PRKCE: variants seen among roughly 807,000 people sequenced by gnomAD.
PRKCE encodes protein kinase C epsilon type.
In PRKCE, 16 loss-of-function variants were observed where a neutral mutation model predicts 85.4. That is an observed-to-expected ratio of 0.19 (90% confidence interval 0.13 to 0.28). The LOEUF (loss-of-function observed/expected upper bound fraction) is 0.28. Among genes scored for constraint, PRKCE ranks in the 10% least tolerant of loss-of-function variants. The pLI, the probability that PRKCE is intolerant of heterozygous loss-of-function variation, is 1.00. For synonymous variants in PRKCE, 388 were observed against 371.5 expected (o/e 1.04, Z -0.51); for missense variants, 573 against 975.2 (o/e 0.59, Z 5.49).
At chr2:45,964,986 C>T (rs370175122) in intron 2 of PRKCE, among the ~76,000 whole-genome samples, 12 of 152,136 alleles carry the variant, frequency 7.9e-5, no homozygotes, top group South Asian at 6.2e-4. Context: ...GGAGAAACAA[C>T]GGTTCATGTT....
chr2:46,010,990 T>C, intron 10 of PRKCE: 2 of 1,350,406 alleles, frequency 1.5e-6, no homozygotes, highest in South Asian at 3.8e-5. Flanking sequence ...GAAACACAAA[T>C]ATAAGGCAGC....
intron 1 of PRKCE, among the ~76,000 whole-genome samples, chr2:45,736,751 C>T (rs1682097153): frequency 6.6e-6 from 1 of 152,188 alleles, no homozygotes; most frequent in South Asian, 2.1e-4. Context: ...CCTTGAGCAT[C>T]CTCCAGTAGA....
chr2:45,777,594 G>A (rs1685849399), intron 1 of PRKCE, among the ~76,000 whole-genome samples: 1 of 152,132 alleles, frequency 6.6e-6, no homozygotes, highest in Non-Finnish European at 1.5e-5. Flanking sequence ...CTGCGTACTT[G>A]ATATTGAATC....
intron 6 of PRKCE, among the ~76,000 whole-genome samples, chr2:45,999,386 A>T (rs1190815223): frequency 6.6e-6 from 1 of 152,128 alleles, no homozygotes; most frequent in Non-Finnish European, 1.5e-5. Flanking sequence ...TTTTATCTCA[A>T]CATTTTGAAT....
At chr2:45,799,340 G>A (rs61395777) in intron 1 of PRKCE, among the ~76,000 whole-genome samples, 7,543 of 152,128 alleles carry the variant, frequency 0.05, 641 homozygotes, top group African/African-American at 0.17. Context: ...TATTCAAAGT[G>A]TATAAAAATT....
intron 7 of PRKCE, among the ~76,000 whole-genome samples, chr2:46,003,224 T>C (rs1353702770): frequency 6.6e-6 from 1 of 152,208 alleles, no homozygotes; most frequent in Admixed American, 6.5e-5. Context: ...TATCAGACTT[T>C]CTGGTGTTTT....
At chr2:45,798,779 T>C (rs1394951513) in intron 1 of PRKCE, among the ~76,000 whole-genome samples, 1 of 149,570 alleles carries the variant, frequency 6.7e-6, no homozygotes, top group Non-Finnish European at 1.5e-5. Context: ...TTTTTTTTTT[T>C]ACCTGTTTTC....
At chr2:46,089,570 C>T (rs1669964851) in intron 11 of PRKCE, among the ~76,000 whole-genome samples, 2 of 152,208 alleles carry the variant, frequency 1.3e-5, no homozygotes, top group South Asian at 4.1e-4. Flanking sequence ...GTCCAAACCC[C>T]TTTGGGAACC....
chr2:45,901,651 G>A (rs1364675392), intron 2 of PRKCE, among the ~76,000 whole-genome samples: 1 of 152,228 alleles, frequency 6.6e-6, no homozygotes, highest in Non-Finnish European at 1.5e-5. Flanking sequence ...TGAAGTGTGT[G>A]CACAGCTGAT....
At chr2:46,002,770 C>T (rs1704808855) in intron 7 of PRKCE, among the ~76,000 whole-genome samples, 1 of 152,184 alleles carries the variant, frequency 6.6e-6, no homozygotes, top group African/African-American at 2.4e-5. Context: ...ATGCTAGGGC[C>T]CTGCTGAAGA....
intron 10 of PRKCE, among the ~76,000 whole-genome samples, chr2:46,065,294 A>C (rs1667533469): frequency 6.6e-6 from 1 of 152,042 alleles, no homozygotes; most frequent in South Asian, 2.1e-4. Context: ...CTGTGGGTAA[A>C]CTAAGCAATT....
rs71394861 is a variant in PRKCE, at chr2:45,944,655, A to ATTTTTTTTTTTTTT, written c.413-31760_413-31747dup. On this transcript the variant is annotated intron_variant, in intron 2 of 14. Transcript: ENST00000306156. Reference sequence around the variant, plus strand: ...AGGTGCGTGCCACCATACCCGGCTAATTTTTTTTTTTTTTTTTTTTTTTTT... The same window carrying ATTTTTTTTTTTTTT: ...AGGTGCGTGCCACCATACCCGGCTAATTTTTTTTTTTTTTTTTTTTTTTTTTTTTTTTTTTTTTT... Among the ~76,000 whole-genome samples, 8 of 75,628 alleles carry ATTTTTTTTTTTTTT rather than the reference A, an allele frequency of 1.1e-4. 1 individual carries two copies. The highest frequency in any genetic ancestry group is 1.9e-4 in the Non-Finnish European group (8 of 42,434). The allele number at this position is 75,628 out of a possible 152,430, so 49.6% of individuals were successfully genotyped here. A position where few individuals can be genotyped will look rare whatever the true frequency, so the allele number is the denominator to read the frequency against.
At chr2:45,750,469 G>C (rs1329912723) in intron 1 of PRKCE, among the ~76,000 whole-genome samples, 1 of 152,172 alleles carries the variant, frequency 6.6e-6, no homozygotes, top group East Asian at 1.9e-4. Flanking sequence ...CCTTGGTGTA[G>C]AGCTGTGCCC....
intron 2 of PRKCE, among the ~76,000 whole-genome samples, chr2:45,863,691 A>G (rs1433440141): frequency 6.6e-6 from 1 of 152,130 alleles, no homozygotes; most frequent in Non-Finnish European, 1.5e-5. Flanking sequence ...ATTGAGGCTT[A>G]ACAGATGACC....
rs568020536 is a variant in PRKCE at position 45,921,750 on chromosome 2, C to T, written c.413-54679C>T. On this transcript the variant is annotated intron_variant, in intron 2 of 14. Coordinates refer to ENST00000306156, the MANE Select transcript of PRKCE (RefSeq NM_005400.3). ...GGGAGGCTGGGTTGTGGCCCTTCTG[C>T]GAGACCTTTGAGGGGAGGAGTGTCA... Among the ~76,000 whole-genome samples the T allele has an allele frequency of 9.2e-5, 14 of 152,264 alleles. No homozygotes were observed. The South Asian group carries it at 1.2e-3, about 14-fold the overall frequency.
chr2:46,173,673 A>G (rs1679138170), intron 14 of PRKCE, among the ~76,000 whole-genome samples: 1 of 152,216 alleles, frequency 6.6e-6, no homozygotes, highest in African/African-American at 2.4e-5. Flanking sequence ...GTTTTGTTTC[A>G]AAGCATCATA....
intron 10 of PRKCE, among the ~76,000 whole-genome samples, chr2:46,067,824 G>A (rs6730852): frequency 0.12 from 18,035 of 152,060 alleles, 2,099 homozygotes; most frequent in African/African-American, 0.31. Context: ...CTCTCCTAAC[G>A]CTACAGACCA....
At chr2:45,727,482 G>A (rs1437451935) in intron 1 of PRKCE, among the ~76,000 whole-genome samples, 1 of 152,150 alleles carries the variant, frequency 6.6e-6, no homozygotes, top group African/African-American at 2.4e-5. Flanking sequence ...ATTTGGACTA[G>A]GAGGGAGGGC....
At chr2:45,863,718 G>C (rs1045310615) in intron 2 of PRKCE, among the ~76,000 whole-genome samples, 1 of 152,056 alleles carries the variant, frequency 6.6e-6, no homozygotes, top group Admixed American at 6.6e-5. Flanking sequence ...GCTCTTCCTG[G>C]CTCGGAATAC....
Sources: allele counts gnomAD v4.1 joint callset (sites outside exome capture counted in the v4.1 genomes callset), GRCh38; gene constraint gnomAD v4.1.1; transcripts MANE v1.5; gene names NCBI Gene and HGNC (gene_info 2026-07-23, HGNC 2026-07-21).